The following STARD13 variants were observed in gnomAD, a reference collection of about 807,000 sequenced individuals.
STARD13 encodes the protein StAR related lipid transfer domain containing 13, also known as stAR-related lipid transfer protein 13.
STARD13 carries 62 observed loss-of-function variants against 106.4 expected under a neutral mutation model. The observed-to-expected ratio is 0.58, with a 90% CI of 0.48 to 0.72. The LOEUF is 0.72. Among genes scored for constraint, STARD13 ranks in the 30% least tolerant of loss-of-function variants. The probability of loss-of-function intolerance (pLI) is 0.00; values close to 1 mark genes in which losing one functional copy is unlikely to be tolerated. For missense variants in STARD13, 1,387 were observed against 1,424.0 expected (o/e 0.97, Z 0.42); for synonymous variants, 565 against 553.0 (o/e 1.02, Z -0.31).
chr13:33,151,493 C>T (rs919309970), intron 3 of STARD13, among the ~76,000 whole-genome samples: 29 of 152,184 alleles, frequency 1.9e-4, no homozygotes, highest in African/African-American at 7.0e-4. Flanking sequence ...GAAGATGACA[C>T]TAAACCTTTC....
chr13:33,445,051 A>G, the STARD13 span, among the ~76,000 whole-genome samples: 208 of 152,312 alleles, frequency 1.4e-3, no homozygotes, highest in African/African-American at 4.7e-3. Context: ...GTAACCATAA[A>G]AACATTCAGA....
the STARD13 span, among the ~76,000 whole-genome samples, chr13:33,356,887 A>G: frequency 2.0e-4 from 31 of 152,322 alleles, no homozygotes; most frequent in African/African-American, 7.2e-4. Context: ...AGCTCTGGGA[A>G]TGATAAGGTG....
At chr13:33,325,027 T>C (rs1056911621) in intron 1 of STARD13, among the ~76,000 whole-genome samples, 2 of 152,142 alleles carry the variant, frequency 1.3e-5, no homozygotes, top group African/African-American at 4.8e-5. Context: ...AAAGTATATA[T>C]GCTATATTGT....
intron 1 of STARD13, among the ~76,000 whole-genome samples, chr13:33,260,826 C>T (rs758938541): frequency 1.6e-4 from 25 of 152,126 alleles, no homozygotes; most frequent in Non-Finnish European, 3.2e-4. Context: ...CCCTTGAAAA[C>T]GTAAGTGTTT....
At chr13:33,216,954 G>C (rs548396300) in intron 1 of STARD13, among the ~76,000 whole-genome samples, 9 of 152,256 alleles carry the variant, frequency 5.9e-5, no homozygotes, top group Non-Finnish European at 8.8e-5. Context: ...GGGAATCAAG[G>C]CCTTTAGTTT....
intron 1 of STARD13, among the ~76,000 whole-genome samples, chr13:33,315,848 C>T (rs1181833646): frequency 6.6e-6 from 1 of 151,962 alleles, no homozygotes; most frequent in East Asian, 1.9e-4. Context: ...ACATTTTTTT[C>T]ATATGTAATC....
the STARD13 span, among the ~76,000 whole-genome samples, chr13:33,366,490 C>A: frequency 6.6e-6 from 1 of 152,128 alleles, no homozygotes; most frequent in Non-Finnish European, 1.5e-5. This position sits in a 1 kb window ranked among gnomAD's most constrained non-coding sequence, Gnocchi z 4.2. Flanking sequence ...TTTATTATTT[C>A]TAATAAGGCC....
the STARD13 span, among the ~76,000 whole-genome samples, chr13:33,473,336 G>T: frequency 3.3e-5 from 5 of 152,160 alleles, no homozygotes; most frequent in African/African-American, 1.2e-4. Flanking sequence ...ATTCAAAGCT[G>T]TCAAGTAATT....
At chr13:33,648,061 T>C in the STARD13 span, among the ~76,000 whole-genome samples, 1 of 152,206 alleles carries the variant, frequency 6.6e-6, no homozygotes, top group Non-Finnish European at 1.5e-5. Context: ...AATAAAAGCA[T>C]ATTTATAAGC....
chr13:33,539,964 C>T, the STARD13 span, among the ~76,000 whole-genome samples: 1 of 152,198 alleles, frequency 6.6e-6, no homozygotes, highest in Non-Finnish European at 1.5e-5. Flanking sequence ...ATAACTCCTA[C>T]AACTCAATTA....
chr13:33,341,283 C>G (rs189723309), intron 1 of STARD13, among the ~76,000 whole-genome samples: 1 of 152,244 alleles, frequency 6.6e-6, no homozygotes, highest in Admixed American at 6.5e-5. Context: ...TAGACATGCT[C>G]TATGTCTAAA....
chr13:33,335,504 T>C (rs2077885608), intron 1 of STARD13, among the ~76,000 whole-genome samples: 1 of 152,234 alleles, frequency 6.6e-6, no homozygotes, highest in African/African-American at 2.4e-5. Context: ...TCATAAGTCA[T>C]GAGAGTCATG....
chr13:33,242,937 T>C (rs1566094043), intron 1 of STARD13, among the ~76,000 whole-genome samples: 1 of 152,190 alleles, frequency 6.6e-6, no homozygotes, highest in African/African-American at 2.4e-5. Context: ...CAGGTATATA[T>C]TACTTCTCAC....
chr13:33,414,032 CAAAAAAAA>C, the STARD13 span, among the ~76,000 whole-genome samples: 4 of 48,188 alleles, frequency 8.3e-5, no homozygotes, highest in Non-Finnish European at 1.2e-4. Context: ...GATTCCCTCT[CAAAAAAAA>C]AAAAAAAAAA....
the STARD13 span, among the ~76,000 whole-genome samples, chr13:33,441,880 A>G: frequency 6.6e-4 from 100 of 152,348 alleles, no homozygotes; most frequent in Admixed American, 2.2e-3. Flanking sequence ...GGATATTCAC[A>G]TATGAAAGGG....
the STARD13 span, among the ~76,000 whole-genome samples, chr13:33,576,740 T>C: frequency 6.6e-6 from 1 of 152,200 alleles, no homozygotes; most frequent in African/African-American, 2.4e-5. Flanking sequence ...AAAAATAATA[T>C]AGTGTGAGGG....
At chr13:33,250,080 G>A (rs1890022783) in intron 1 of STARD13, among the ~76,000 whole-genome samples, 1 of 152,092 alleles carries the variant, frequency 6.6e-6, no homozygotes. Context: ...ATGAGACACT[G>A]TGCCCAGCCC....
intron 1 of STARD13, among the ~76,000 whole-genome samples, chr13:33,201,343 A>C (rs1041447242): frequency 6.6e-6 from 1 of 152,214 alleles, no homozygotes; most frequent in Non-Finnish European, 1.5e-5. Flanking sequence ...CCCGTGTTCA[A>C]CTGACTACAT....
At chr13:33,152,529 C>T (rs1016565622) in intron 3 of STARD13, among the ~76,000 whole-genome samples, 3 of 152,130 alleles carry the variant, frequency 2.0e-5, no homozygotes, top group African/African-American at 7.2e-5. Context: ...ACCAAGTTTG[C>T]AGTGTCCCAC....
Sources: allele counts gnomAD v4.1 joint callset (sites outside exome capture counted in the v4.1 genomes callset), GRCh38; gene constraint gnomAD v4.1.1; non-coding constraint Gnocchi (gnomAD v3.1); transcripts MANE v1.5; gene names NCBI Gene and HGNC (gene_info 2026-07-23, HGNC 2026-07-21).